The following IRAG2 variants were observed in gnomAD, a reference collection of about 807,000 sequenced individuals.
The protein encoded by IRAG2 is inositol 1,4,5-triphosphate receptor associated 2, also known as lymphoid restricted membrane protein.
In IRAG2, 45 loss-of-function variants were observed where a neutral mutation model predicts 69.9. The observed-to-expected ratio is 0.64, with a 90% confidence interval of 0.51 to 0.83. The LOEUF is 0.83. IRAG2 is among the 40% of genes least tolerant of loss of function. The pLI, the probability that IRAG2 is intolerant of heterozygous loss-of-function variation, is 0.00. For synonymous variants in IRAG2, 193 were observed against 202.4 expected, an observed-to-expected ratio of 0.95 and a Z score of 0.40; for missense variants, 520 against 587.0, an observed-to-expected ratio of 0.89 and a Z score of 1.18.
intron 2 of IRAG2, among the ~76,000 whole-genome samples, chr12:25,007,183 C>T (rs1944439760): frequency 6.6e-6 from 1 of 152,228 alleles, no homozygotes; most frequent in African/African-American, 2.4e-5. Context: ...TTCCTCTCCT[C>T]TACTCTGGAT....
intron 16 of IRAG2, among the ~76,000 whole-genome samples, chr12:25,040,236 C>T (rs1591934940): frequency 6.6e-6 from 1 of 152,190 alleles, no homozygotes; most frequent in Non-Finnish European, 1.5e-5. Flanking sequence ...TAGCTGGGTG[C>T]CCCGGCTCAT....
intron 17 of IRAG2, chr12:25,102,468 T>C (rs1272841988): frequency 2.0e-6 from 1 of 509,238 alleles, no homozygotes; most frequent in Non-Finnish European, 3.5e-6. Context: ...TTTCTCTCTG[T>C]TGTGTAAAAC....
intron 10 of IRAG2, chr12:25,031,114 T>C (rs1824668142): frequency 1.0e-6 from 1 of 968,684 alleles, no homozygotes; most frequent in Non-Finnish European, 1.2e-6. Context: ...GAAGAAAGAA[T>C]GATATTTGCC....
intron 5 of IRAG2, among the ~76,000 whole-genome samples, chr12:25,015,611 G>A (rs1028034297): frequency 6.6e-6 from 1 of 152,098 alleles, no homozygotes; most frequent in Non-Finnish European, 1.5e-5. Context: ...GTTTCACTAG[G>A]AACACAAATT....
intron 6 of IRAG2, among the ~76,000 whole-genome samples, chr12:25,019,776 C>T (rs943889672): frequency 2.0e-5 from 3 of 152,188 alleles, no homozygotes; most frequent in Non-Finnish European, 4.4e-5. Flanking sequence ...TAGTGTTTCC[C>T]TGCCTCCTGT....
intron 6 of IRAG2, chr12:25,076,314 C>T: frequency 1.4e-6 from 1 of 722,218 alleles, no homozygotes; most frequent in Non-Finnish European, 1.7e-6. Context: ...TCCAAAATCA[C>T]ATAATTATTT....
chr12:25,030,085 G>A (rs1944657096), intron 9 of IRAG2, among the ~76,000 whole-genome samples: 1 of 152,164 alleles, frequency 6.6e-6, no homozygotes, highest in Admixed American at 6.5e-5. Flanking sequence ...GTAGTGTGGA[G>A]TTTGGTTTCC....
chr12:25,079,501 G>A, intron 8 of IRAG2, 39 bp downstream of exon 8: 1 of 1,545,310 alleles, frequency 6.5e-7, no homozygotes, highest in Non-Finnish European at 8.9e-7. Flanking sequence ...TAGACTGTTA[G>A]TATTACAGCT....
chr12:25,049,941 C>T (rs890491273), upstream of IRAG2, among the ~76,000 whole-genome samples: 1 of 135,172 alleles, frequency 7.4e-6, no homozygotes, highest in African/African-American at 2.7e-5. Context: ...CAAGATTGTG[C>T]CACTGCACTC....
chr12:25,048,499 G>A (rs540899613), upstream of IRAG2, among the ~76,000 whole-genome samples: 44 of 152,032 alleles, frequency 2.9e-4, no homozygotes, highest in African/African-American at 8.9e-4. Flanking sequence ...CTTTCACCAC[G>A]TTGGCCAGGC....
chr12:25,088,869 A>C (rs1947829525), intron 11 of IRAG2, among the ~76,000 whole-genome samples: 1 of 152,188 alleles, frequency 6.6e-6, no homozygotes, highest in South Asian at 2.1e-4. Flanking sequence ...AGCACTTAGA[A>C]AAGTGGCACC....
At chr12:25,024,967 G>A (rs781044147) in intron 8 of IRAG2, among the ~76,000 whole-genome samples, 4 of 152,206 alleles carry the variant, frequency 2.6e-5, no homozygotes, top group Admixed American at 6.5e-5. Flanking sequence ...ACGAATATAA[G>A]TGTTGTCACT....
chr12:25,071,564 A>G (rs1946340822), intron 6 of IRAG2, among the ~76,000 whole-genome samples: 1 of 152,188 alleles, frequency 6.6e-6, no homozygotes, highest in Admixed American at 6.5e-5. Flanking sequence ...GCATTCCCAC[A>G]TGCCATGTGA....
At chr12:25,044,903 G>A (rs73075618) in intron 16 of IRAG2, among the ~76,000 whole-genome samples, 3,531 of 152,180 alleles carry the variant, frequency 0.023, 55 homozygotes, top group East Asian at 0.089. Context: ...AATGGCACTA[G>A]AGAGTAAATG....
intron 3 of IRAG2, among the ~76,000 whole-genome samples, chr12:25,014,863 G>A (rs994306199): frequency 1.1e-4 from 17 of 149,428 alleles, no homozygotes; most frequent in African/African-American, 4.2e-4. Flanking sequence ...CTAATCATAC[G>A]CTGCCTGTGA....
chr12:25,026,082 G>A (rs1383655377), intron 8 of IRAG2, among the ~76,000 whole-genome samples: 1 of 152,154 alleles, frequency 6.6e-6, no homozygotes, highest in East Asian at 1.9e-4. Context: ...GCACAGCTGT[G>A]CTCTAATAAA....
chr12:25,059,787 A>C (rs1448184171), intron 1 of IRAG2, among the ~76,000 whole-genome samples: 2 of 152,044 alleles, frequency 1.3e-5, no homozygotes, highest in African/African-American at 4.8e-5. Context: ...ATTTTTACCA[A>C]AAAAAAGTCC....
the IRAG2 span, among the ~76,000 whole-genome samples, chr12:24,998,323 A>G: frequency 1.3e-5 from 2 of 152,204 alleles, no homozygotes; most frequent in Non-Finnish European, 2.9e-5. Flanking sequence ...ATAATCAGAA[A>G]GGTTGCGGAT....
chr12:25,098,696 A>G (rs1185743244), intron 15 of IRAG2, among the ~76,000 whole-genome samples: 4 of 152,128 alleles, frequency 2.6e-5, no homozygotes, highest in African/African-American at 7.2e-5. Context: ...CACAAACAAA[A>G]TAACTTTTTA....
Sources: allele counts gnomAD v4.1 joint callset (sites outside exome capture counted in the v4.1 genomes callset), GRCh38; gene constraint gnomAD v4.1.1; transcripts MANE v1.5; gene names NCBI Gene and HGNC (gene_info 2026-07-23, HGNC 2026-07-21).